Variants in TMEM132D observed in about 807,000 individuals in gnomAD.
The protein encoded by TMEM132D is mature OL transmembrane protein.
In TMEM132D, 21 loss-of-function variants were observed where a neutral mutation model predicts 62.3. The observed-to-expected ratio is 0.34, with a 90% CI of 0.24 to 0.49. TMEM132D has a LOEUF of 0.49. TMEM132D is among the 20% of genes least tolerant of loss of function. The pLI is 0.99. For synonymous variants in TMEM132D, 621 were observed against 575.6 expected, an observed-to-expected ratio of 1.08 and a Z score of -1.13; for missense variants, 1,346 against 1,402.8, an observed-to-expected ratio of 0.96 and a Z score of 0.65.
intron 1 of TMEM132D, among the ~76,000 whole-genome samples, chr12:129,901,381 G>A (rs1875346611): frequency 6.6e-6 from 1 of 152,168 alleles, no homozygotes; most frequent in Non-Finnish European, 1.5e-5. Context: ...TAATAGGGGT[G>A]TTGATTTTTT....
intron 4 of TMEM132D, among the ~76,000 whole-genome samples, chr12:129,290,316 C>T (rs1204132250): frequency 1.3e-5 from 2 of 152,080 alleles, no homozygotes; most frequent in Non-Finnish European, 2.9e-5. Context: ...TCCCGACCAC[C>T]TAGACTCAAC....
intron 3 of TMEM132D, among the ~76,000 whole-genome samples, chr12:129,360,646 C>G (rs1356225273): frequency 6.6e-6 from 1 of 151,486 alleles, no homozygotes. Context: ...CACCTGGGGA[C>G]TCTGGCCGGG....
chr12:129,617,701 T>C (rs974062465), intron 2 of TMEM132D, among the ~76,000 whole-genome samples: 1 of 152,128 alleles, frequency 6.6e-6, no homozygotes, highest in African/African-American at 2.4e-5. Context: ...ACCTGCTTCC[T>C]GGTTCATCAA....
chr12:129,569,543 T>G (rs2137118388), intron 2 of TMEM132D, among the ~76,000 whole-genome samples: 1 of 152,282 alleles, frequency 6.6e-6, no homozygotes, highest in African/African-American at 2.4e-5. Context: ...AATAAAGGCA[T>G]TTCTCCTTGG....
intron 2 of TMEM132D, among the ~76,000 whole-genome samples, chr12:129,537,500 T>A (rs2137094543): frequency 6.6e-6 from 1 of 152,270 alleles, no homozygotes; most frequent in Non-Finnish European, 1.5e-5. Flanking sequence ...CATGTCAATA[T>A]TCACATGGGG....
At chr12:129,861,295 G>C (rs1327200788) in intron 1 of TMEM132D, among the ~76,000 whole-genome samples, 1 of 152,136 alleles carries the variant, frequency 6.6e-6, no homozygotes, top group Non-Finnish European at 1.5e-5. Flanking sequence ...CTCCAAAACT[G>C]CCCTTGGTTA....
At chr12:129,643,198 C>T (rs906108521) in intron 2 of TMEM132D, among the ~76,000 whole-genome samples, 3 of 152,160 alleles carry the variant, frequency 2.0e-5, no homozygotes, top group Non-Finnish European at 4.4e-5. Flanking sequence ...GCTGGGATTA[C>T]AGGCGTGAGC....
At chr12:129,854,084 T>C (rs1873634791) in intron 1 of TMEM132D, among the ~76,000 whole-genome samples, 1 of 152,130 alleles carries the variant, frequency 6.6e-6, no homozygotes, top group Non-Finnish European at 1.5e-5. Flanking sequence ...ATGGCAGTCC[T>C]CGTCACTTTC....
chr12:129,219,893 C>T (rs1434869926), intron 4 of TMEM132D, among the ~76,000 whole-genome samples: 1 of 152,156 alleles, frequency 6.6e-6, no homozygotes, highest in Non-Finnish European at 1.5e-5. Flanking sequence ...GCTGGCCTTG[C>T]ACCTTTTGGG....
chr12:129,745,430 T>C (rs1250857367), intron 1 of TMEM132D, among the ~76,000 whole-genome samples: 1 of 152,158 alleles, frequency 6.6e-6, no homozygotes, highest in Non-Finnish European at 1.5e-5. Flanking sequence ...GCCTACCAGG[T>C]CATCTGGTTA....
intron 5 of TMEM132D, among the ~76,000 whole-genome samples, chr12:129,129,743 T>G (rs9804847): frequency 0.52 from 78,361 of 151,920 alleles, 21,321 homozygotes; most frequent in East Asian, 0.88. Flanking sequence ...GATGATGAGC[T>G]ATGTGGGGCA....
At chr12:129,750,806 T>G (rs1869976021) in intron 1 of TMEM132D, among the ~76,000 whole-genome samples, 1 of 152,036 alleles carries the variant, frequency 6.6e-6, no homozygotes. Context: ...TAATGTATAT[T>G]TTGAAGTAGC....
intron 1 of TMEM132D, among the ~76,000 whole-genome samples, chr12:129,767,718 C>T (rs954790012): frequency 2.6e-5 from 4 of 152,240 alleles, no homozygotes; most frequent in Admixed American, 6.5e-5. Flanking sequence ...GGACATGCCA[C>T]ACTTTATCCA....
intron 1 of TMEM132D, among the ~76,000 whole-genome samples, chr12:129,813,728 C>T (rs1276058356): frequency 6.6e-6 from 1 of 151,412 alleles, no homozygotes; most frequent in Non-Finnish European, 1.5e-5. Context: ...AAGCAAAATA[C>T]AAGACATAGG....
At chr12:129,379,783 T>G (rs1870887494) in intron 3 of TMEM132D, among the ~76,000 whole-genome samples, 1 of 152,170 alleles carries the variant, frequency 6.6e-6, no homozygotes, top group Admixed American at 6.5e-5. Flanking sequence ...GGAGTGGTAA[T>G]TTCTGGGAAA....
intron 5 of TMEM132D, among the ~76,000 whole-genome samples, chr12:129,198,220 C>G (rs1239356851): frequency 1.3e-5 from 2 of 152,212 alleles, no homozygotes; most frequent in African/African-American, 4.8e-5. Context: ...CTTTTGTACA[C>G]TGTTGGTGGT....
chr12:129,657,899 C>G (rs1880133926), intron 2 of TMEM132D, among the ~76,000 whole-genome samples: 1 of 152,304 alleles, frequency 6.6e-6, no homozygotes, highest in South Asian at 2.1e-4. Flanking sequence ...ACTATTAATT[C>G]AGAACATAAT....
At chr12:129,525,894 T>C (rs1876021667) in intron 3 of TMEM132D, among the ~76,000 whole-genome samples, 2 of 152,208 alleles carry the variant, frequency 1.3e-5, no homozygotes, top group African/African-American at 4.8e-5. Context: ...TAAGGCATCA[T>C]AAATCACAGT....
chr12:129,483,686 T>C (rs1874494736), intron 3 of TMEM132D, among the ~76,000 whole-genome samples: 1 of 152,176 alleles, frequency 6.6e-6, no homozygotes, highest in African/African-American at 2.4e-5. Flanking sequence ...ACGAAACGTG[T>C]GGCTTCTGCC....
Sources: gnomAD v4.1 joint callset for allele counts (sites outside exome capture counted in the v4.1 genomes callset) on GRCh38, gnomAD v4.1.1 for gene constraint, MANE v1.5 for transcripts, NCBI Gene and HGNC (gene_info 2026-07-23, HGNC 2026-07-21) for gene names.